Variants in SI observed in about 807,000 individuals in gnomAD.
SI encodes sucrase-isomaltase, intestinal.
A neutral mutation model predicts 253.3 loss-of-function variants in SI; 235 were observed. The observed-to-expected ratio is 0.93, with a 90% CI of 0.83 to 1.03. SI has a LOEUF of 1.03. SI is among the 50% of genes least tolerant of loss of function. The pLI, the probability that SI is intolerant of heterozygous loss-of-function variation, is 0.00. For synonymous variants in SI, 819 were observed against 712.0 expected, an observed-to-expected ratio of 1.15 and a Z score of -2.39; for missense variants, 2,442 against 2,211.1, an observed-to-expected ratio of 1.10 and a Z score of -2.09.
chr3:165,081,738 T>G (rs983733152), upstream of SI, among the ~76,000 whole-genome samples: 3 of 151,988 alleles, frequency 2.0e-5, no homozygotes, highest in African/African-American at 7.2e-5. Flanking sequence ...AAGAAGGCTC[T>G]GGGAGGTGTT....
intron 28 of SI, among the ~76,000 whole-genome samples, chr3:165,018,312 C>T (rs542887975): frequency 6.6e-6 from 1 of 150,502 alleles, no homozygotes; most frequent in South Asian, 2.1e-4. Flanking sequence ...AATTAATATA[C>T]AAATATGTAT....
chr3:165,065,184 C>G, intron 7 of SI, 77 bp downstream of exon 7: 1 of 923,602 alleles, frequency 1.1e-6, no homozygotes, highest in Non-Finnish European at 1.7e-6. Context: ...AAAATAAATG[C>G]TGTTTTCAAA....
chr3:164,994,514 G>T, intron 40 of SI, 109 bp from the exon 41 acceptor site: 1 of 1,138,836 alleles, frequency 8.8e-7, no homozygotes, highest in Non-Finnish European at 1.3e-6. Flanking sequence ...TTAATTGATT[G>T]TCATGTGCTA....
In SI at chr3:165,041,095, C is replaced by T; in HGVS notation, c.2005-1G>A. 6.2e-7 allele frequency: 1 copy of T among 1,612,094 alleles called. No individual in the cohort carries two copies. The highest frequency in any genetic ancestry group is 2.2e-5 in the East Asian group (1 of 44,684). On this transcript the variant is annotated splice_acceptor_variant, in intron 17 of 47. Coordinates refer to ENST00000264382, the MANE Select transcript of SI (RefSeq NM_001041.4). LOFTEE classifies it high-confidence loss of function. Reference sequence around the variant, plus strand: ...GCCCAAAAAATGCAGGATCCTGATGCTGTGAGATAGAAAGAGAAATTAAAA... The same window carrying T: ...GCCCAAAAAATGCAGGATCCTGATGTTGTGAGATAGAAAGAGAAATTAAAA...
intron 25 of SI, among the ~76,000 whole-genome samples, chr3:165,029,109 T>C (rs953018292): frequency 6.6e-6 from 1 of 150,962 alleles, no homozygotes; most frequent in Non-Finnish European, 1.5e-5. Context: ...CTTCAAAAAG[T>C]GGACTAAAGG....
chr3:165,071,786 A>T (rs2108107151), intron 3 of SI, among the ~76,000 whole-genome samples: 1 of 152,226 alleles, frequency 6.6e-6, no homozygotes, highest in East Asian at 1.9e-4. Flanking sequence ...AATGAGAAGG[A>T]AGCTGTCTAC....
chr3:164,998,415 T>C (rs1718113430), intron 38 of SI, 125 bp downstream of exon 38: 2 of 955,180 alleles, frequency 2.1e-6, no homozygotes, highest in Admixed American at 1.8e-5. Context: ...TGATGCTATA[T>C]GACATAAAGT....
At chr3:165,051,758 G>A (rs531831210) in intron 13 of SI, among the ~76,000 whole-genome samples, 1 of 152,034 alleles carries the variant, frequency 6.6e-6, no homozygotes, top group African/African-American at 2.4e-5. Flanking sequence ...TTAAATATGT[G>A]TAAATTTGCC....
chr3:165,016,354 A>G (rs1719029365), intron 31 of SI, among the ~76,000 whole-genome samples: 1 of 152,008 alleles, frequency 6.6e-6, no homozygotes, highest in Non-Finnish European at 1.5e-5. Context: ...AAATTGGTAT[A>G]TATTATGTAA....
chr3:165,089,810 C>G, the SI span, among the ~76,000 whole-genome samples: 42 of 150,374 alleles, frequency 2.8e-4, no homozygotes, highest in African/African-American at 1.0e-3. Flanking sequence ...GGCCTAGGCA[C>G]TCTCTCCGTT....
At chr3:164,982,542 G>A (rs1717241900) in intron 46 of SI, 132 bp from the exon 47 acceptor site, 1 of 697,772 alleles carries the variant, frequency 1.4e-6, no homozygotes, top group East Asian at 2.7e-5. Flanking sequence ...TTGATATAAG[G>A]TATTTTACAT....
intron 7 of SI, 72 bp downstream of exon 7, chr3:165,065,189 T>G: frequency 1.0e-6 from 1 of 1,000,354 alleles, no homozygotes; most frequent in Non-Finnish European, 1.6e-6. Context: ...AAATGCTGTT[T>G]TCAAATATGC....
chr3:165,006,807 A>T lies in SI; in HGVS notation c.4406+9T>A, dbSNP rs1718530821. 6.2e-7 allele frequency: 1 copy of T among 1,610,414 alleles called. No homozygotes were observed. Among genetic ancestry groups the T allele is most frequent in the Non-Finnish European group, 8.5e-7 (1 of 1,177,112 alleles). ...AGAGTCAGAGAGGATAATTCAGAAC[A>T]TTGCTTACTCATGAGTAGGTTTCAT... is the stretch of plus-strand genomic sequence containing the variant. On this transcript the variant is annotated intron_variant, in intron 37 of 47. Coordinates refer to ENST00000264382, the MANE Select transcript of SI (RefSeq NM_001041.4).
Position 165,016,146 on chromosome 3 carries a change from T to C in SI, c.3760-66A>G. Reference sequence around the variant, plus strand: ...AAAATAGTAAGTGTATCATATTTTATCATACTTATAAAAGTAACAGCAATA... The same window carrying C: ...AAAATAGTAAGTGTATCATATTTTACCATACTTATAAAAGTAACAGCAATA... On this transcript the variant is annotated intron_variant, in intron 31 of 47. Coordinates refer to ENST00000264382, the MANE Select transcript of SI (RefSeq NM_001041.4). The C allele has an allele frequency of 8.6e-6, 12 of 1,398,976 alleles. 1 individual carries two copies. The South Asian group carries it at 1.4e-4, about 16-fold the overall frequency. The allele number at this position is 1,398,976 out of a possible 1,614,324, so 86.7% of individuals were successfully genotyped here.
rs751748355 is a variant in SI at position 165,067,465 on chromosome 3, A to G, written c.510T>C (p.Tyr170=). The part of the protein sequence containing the change: ...FKITDPNNRR[Y]EVPHQYVKEF... ...CTTTTACATACTGATGAGGAACTTC[A>G]TATCTTCTATTATTTGGATCAGTAA... Residue 170 remains tyrosine (Y), a synonymous_variant, in exon 6 of 48, where the codon TAT becomes TAC. Transcript: ENST00000264382. 1 of 1,610,458 alleles carries G rather than the reference A, an allele frequency of 6.2e-7. No homozygotes were observed. The highest frequency in any genetic ancestry group is 8.5e-7 in the Non-Finnish European group (1 of 1,176,964).
At position 165,029,421 on chromosome 3, in the gene SI, T is replaced by C. The variant is rs182788008; in HGVS notation, c.2892+1291A>G. Among the ~76,000 whole-genome samples the C allele has an allele frequency of 5.2e-3, 775 of 150,366 alleles. 10 individuals are homozygous for C. The highest frequency in any genetic ancestry group is 0.018 in the African/African-American group (738 of 41,280). Reference sequence around the variant, plus strand: ...GAACTACTATTTGATCCAGCAATCCTGCTACTGGGTATCTACCCAGAGAAA... The same window carrying C: ...GAACTACTATTTGATCCAGCAATCCCGCTACTGGGTATCTACCCAGAGAAA... On this transcript the variant is annotated intron_variant, in intron 25 of 47. Transcript: ENST00000264382.
At chr3:165,043,762 G>A (rs1712975074) in intron 16 of SI, among the ~76,000 whole-genome samples, 2 of 151,948 alleles carry the variant, frequency 1.3e-5, no homozygotes, top group Non-Finnish European at 2.9e-5. Context: ...AAGTATATAT[G>A]TATCTATAAA....
chr3:164,997,498 T>C (rs1301054546), intron 38 of SI, among the ~76,000 whole-genome samples: 1 of 151,660 alleles, frequency 6.6e-6, no homozygotes, highest in African/African-American at 2.4e-5. Flanking sequence ...TAGAATCTTT[T>C]AAATTTCAGT....
intron 44 of SI, among the ~76,000 whole-genome samples, chr3:164,988,973 G>A (rs113878896): frequency 2.0e-5 from 3 of 152,012 alleles, no homozygotes; most frequent in African/African-American, 7.2e-5. Flanking sequence ...CTTTATATGG[G>A]ACAAGGTCAT....
Sources: gnomAD v4.1 joint callset for allele counts (sites outside exome capture counted in the v4.1 genomes callset) on GRCh38, gnomAD v4.1.1 for gene constraint, MANE v1.5 for transcripts, NCBI Gene and HGNC (gene_info 2026-07-23, HGNC 2026-07-21) for gene names.